Variants in SLC10A7 observed in about 807,000 individuals in gnomAD.
SLC10A7 encodes solute carrier family 10 member 7.
A neutral mutation model predicts 43.2 loss-of-function variants in SLC10A7; 29 were observed. The ratio of observed to expected loss-of-function variants is 0.67; its 90% CI spans 0.50 to 0.92. The LOEUF (loss-of-function observed/expected upper bound fraction) is 0.92. SLC10A7 is among the 40% of genes least tolerant of loss of function. SLC10A7 has a pLI of 0.00. For synonymous variants in SLC10A7, 152 were observed against 144.8 expected, an observed-to-expected ratio of 1.05 and a Z score of -0.35; for missense variants, 295 against 403.2, an observed-to-expected ratio of 0.73 and a Z score of 2.30.
At chr4:146,327,893 T>A (rs1733257859) in intron 5 of SLC10A7, among the ~76,000 whole-genome samples, 1 of 150,810 alleles carries the variant, frequency 6.6e-6, no homozygotes, top group Non-Finnish European at 1.5e-5. Context: ...CATGTGCACA[T>A]CATCTGAGGG....
intron 5 of SLC10A7, among the ~76,000 whole-genome samples, chr4:146,404,686 T>C (rs1047631378): frequency 6.6e-6 from 1 of 152,106 alleles, no homozygotes; most frequent in Non-Finnish European, 1.5e-5. Context: ...CTCAGGCTGG[T>C]CTTGAACTCC....
chr4:146,374,167 A>G (rs1736993443), intron 5 of SLC10A7, among the ~76,000 whole-genome samples: 1 of 152,192 alleles, frequency 6.6e-6, no homozygotes, highest in Admixed American at 6.6e-5. Context: ...AACTCTATAC[A>G]AAATGGAAAC....
At chr4:146,480,985 A>T (rs1029685366) in intron 4 of SLC10A7, among the ~76,000 whole-genome samples, 3 of 152,186 alleles carry the variant, frequency 2.0e-5, no homozygotes, top group Non-Finnish European at 2.9e-5. Context: ...GAAGGGAAGG[A>T]AACCTCAGGT....
chr4:146,280,563 G>A (rs898665887), intron 10 of SLC10A7, among the ~76,000 whole-genome samples: 3 of 152,094 alleles, frequency 2.0e-5, no homozygotes, highest in African/African-American at 7.2e-5. Context: ...TTTCCATTAG[G>A]ACTATTATCA....
chr4:146,258,677 T>G lies in SLC10A7; in HGVS notation c.993+15A>C, dbSNP rs375193642. 7.6e-6 allele frequency: 12 copies of G among 1,571,800 alleles called. No individual in the cohort carries two copies. Among genetic ancestry groups the G allele is most frequent in the Non-Finnish European group, 1.0e-5 (12 of 1,167,704 alleles). On this transcript the variant is annotated intron_variant, in intron 11 of 11. Coordinates refer to ENST00000335472, the MANE Select transcript of SLC10A7 (RefSeq NM_001029998.6). ...ATCTAACTTGGATCCAAATAAGATCTTTCTGGGGACTCACCTTCTGCCTTG... is the reference window on the plus strand; with the variant it reads ...ATCTAACTTGGATCCAAATAAGATCGTTCTGGGGACTCACCTTCTGCCTTG...
At chr4:146,450,445 C>A (rs1021391129) in intron 4 of SLC10A7, among the ~76,000 whole-genome samples, 2 of 151,986 alleles carry the variant, frequency 1.3e-5, no homozygotes, top group Non-Finnish European at 2.9e-5. Context: ...GAACCAATAC[C>A]CCACAGATAC....
At chr4:146,441,619 T>C in intron 5 of SLC10A7, 1 of 845,900 alleles carries the variant, frequency 1.2e-6, no homozygotes, top group Non-Finnish European at 1.4e-6. Context: ...CATGAAATAA[T>C]GACTTAAAAT....
At chr4:146,436,693 T>G (rs1037707137) in intron 5 of SLC10A7, among the ~76,000 whole-genome samples, 3 of 152,114 alleles carry the variant, frequency 2.0e-5, no homozygotes, top group Admixed American at 2.0e-4. Flanking sequence ...TCTCTTTCAA[T>G]CCTTTGGATT....
intron 9 of SLC10A7, among the ~76,000 whole-genome samples, chr4:146,284,290 C>T (rs571537278): frequency 6.6e-6 from 1 of 152,224 alleles, no homozygotes; most frequent in Admixed American, 6.6e-5. Flanking sequence ...TAACAATGTA[C>T]CTGATTTTTA....
At chr4:146,373,941 A>G (rs1245708776) in intron 5 of SLC10A7, among the ~76,000 whole-genome samples, 2 of 152,206 alleles carry the variant, frequency 1.3e-5, no homozygotes, top group African/African-American at 4.8e-5. Flanking sequence ...TTCGACAGAT[A>G]TTCAAGTGGT....
intron 4 of SLC10A7, among the ~76,000 whole-genome samples, chr4:146,464,144 A>G (rs1414813432): frequency 6.7e-6 from 1 of 150,294 alleles, no homozygotes. Flanking sequence ...TCTAATAGCA[A>G]AAAAAAAAGC....
At chr4:146,467,737 AT>A (rs1488078074) in intron 4 of SLC10A7, among the ~76,000 whole-genome samples, 1 of 151,632 alleles carries the variant, frequency 6.6e-6, no homozygotes, top group African/African-American at 2.4e-5. Flanking sequence ...TAATTTCTGT[AT>A]TTTTAGTAGA....
chr4:146,467,461 A>AGT (rs1733131650), intron 4 of SLC10A7, among the ~76,000 whole-genome samples: 1 of 113,604 alleles, frequency 8.8e-6, no homozygotes, highest in African/African-American at 4.4e-5. Context: ...TTAAACACAC[A>AGT]CACACACACA....
intron 10 of SLC10A7, among the ~76,000 whole-genome samples, chr4:146,260,356 AT>A (rs1728146374): frequency 6.6e-6 from 1 of 152,190 alleles, no homozygotes; most frequent in South Asian, 2.1e-4. Flanking sequence ...ATGCTAAGAC[AT>A]TGGGGGATGG....
rs1357910875 is a variant in SLC10A7, at chr4:146,335,239, C to T, written c.436-9243G>A. On this transcript the variant is annotated intron_variant, in intron 5 of 11. Coordinates refer to ENST00000335472, the MANE Select transcript of SLC10A7 (RefSeq NM_001029998.6). The stretch of plus-strand genomic sequence containing the variant: ...TTCTTTTTAACTCATTAAAGTGTTG[C>T]CACAGATGTTGTAAAAAAAAAAAAA... Among the ~76,000 whole-genome samples, 9 of 119,048 alleles carry T rather than the reference C, an allele frequency of 7.6e-5. No individual in the cohort carries two copies. The East Asian group carries it at 1.6e-3, about 21-fold the overall frequency. 78.1% of individuals were successfully genotyped at this position (119,048 alleles called of 152,430 possible). A position where few individuals can be genotyped will look rare whatever the true frequency, so the allele number is the denominator to read the frequency against.
intron 11 of SLC10A7, among the ~76,000 whole-genome samples, chr4:146,257,530 T>C (rs1004272599): frequency 6.6e-6 from 1 of 152,210 alleles, no homozygotes; most frequent in African/African-American, 2.4e-5. Context: ...AACTACCCTA[T>C]GGTCTCAGGC....
rs1428589080 is a variant in SLC10A7, at chr4:146,519,288, CAT to C, written c.101-2170_101-2169del. Among the ~76,000 whole-genome samples the C allele has an allele frequency of 2.9e-5, 4 of 138,936 alleles. No individual in the cohort carries two copies. The Admixed American group carries it at 3.0e-4, about 10-fold the overall frequency. 91.1% of individuals were successfully genotyped at this position (138,936 alleles called of 152,430 possible). A position where few individuals can be genotyped will look rare whatever the true frequency, so the allele number is the denominator to read the frequency against. On this transcript the variant is annotated intron_variant, in intron 1 of 11. Transcript: ENST00000335472. The stretch of plus-strand genomic sequence containing the variant: ...ATAACATATTATATACAATATATAA[CAT>C]AATATATAATATGATAATATATAAT...
rs117641572 is a variant in SLC10A7 at position 146,488,007 on chromosome 4, T to A, written c.396+15842A>T. Among the ~76,000 whole-genome samples, 1,188 of 152,008 alleles carry A rather than the reference T, an allele frequency of 7.8e-3. 85 individuals carry two copies. In the East Asian group the frequency reaches 0.18, roughly 23 times the overall value. Reference sequence around the variant, plus strand: ...TTCAAGGCCAGCCTGGGAAATATAGTGGAACTCTGTCTCTACGAAAAAAAA... The same window carrying A: ...TTCAAGGCCAGCCTGGGAAATATAGAGGAACTCTGTCTCTACGAAAAAAAA... On this transcript the variant is annotated intron_variant, in intron 4 of 11. Coordinates refer to ENST00000335472, the MANE Select transcript of SLC10A7 (RefSeq NM_001029998.6).
intron 10 of SLC10A7, among the ~76,000 whole-genome samples, chr4:146,264,703 A>G (rs1370529056): frequency 1.3e-5 from 2 of 152,082 alleles, no homozygotes; most frequent in African/African-American, 4.8e-5. Flanking sequence ...TGCAACTCCT[A>G]CTGTCACTAG....
Sources: allele counts gnomAD v4.1 joint callset (sites outside exome capture counted in the v4.1 genomes callset), GRCh38; gene constraint gnomAD v4.1.1; transcripts MANE v1.5; gene names NCBI Gene and HGNC (gene_info 2026-07-23, HGNC 2026-07-21).